Variants in ADRA1A observed in about 807,000 individuals in gnomAD.
ADRA1A encodes alpha-1A adrenergic receptor.
A neutral mutation model predicts 29.6 loss-of-function variants in ADRA1A; 31 were observed. The observed-to-expected ratio is 1.05, with a 90% confidence interval of 0.79 to 1.41. The LOEUF is 1.41. ADRA1A is among the 40% of genes most tolerant of loss of function. The pLI is 0.00. For synonymous variants in ADRA1A, 311 were observed against 254.3 expected (o/e 1.22, Z -2.12); for missense variants, 619 against 601.1 (o/e 1.03, Z -0.31).
At chr8:26,800,853 A>G (rs1043721430) in intron 2 of ADRA1A, among the ~76,000 whole-genome samples, 1 of 152,174 alleles carries the variant, frequency 6.6e-6, no homozygotes, top group Admixed American at 6.5e-5. Context: ...AATATCTCTG[A>G]TGACCATTGA....
chr8:26,773,197 C>T (rs1563241183), intron 2 of ADRA1A, among the ~76,000 whole-genome samples: 1 of 152,156 alleles, frequency 6.6e-6, no homozygotes, highest in Non-Finnish European at 1.5e-5. Context: ...GGCCCATGCT[C>T]CTTTGTGGAA....
At chr8:26,780,127 A>G (rs1283945910) in intron 2 of ADRA1A, among the ~76,000 whole-genome samples, 1 of 151,696 alleles carries the variant, frequency 6.6e-6, no homozygotes, top group African/African-American at 2.4e-5. Flanking sequence ...AGGCCCCTTT[A>G]TTATTTGGTT....
At chr8:26,811,286 A>G (rs1404150098) in intron 2 of ADRA1A, among the ~76,000 whole-genome samples, 1 of 151,328 alleles carries the variant, frequency 6.6e-6, no homozygotes, top group Non-Finnish European at 1.5e-5. Flanking sequence ...TCTGCCTTCC[A>G]GGCTCACGCC....
intron 2 of ADRA1A, among the ~76,000 whole-genome samples, chr8:26,857,000 C>T (rs750409011): frequency 6.6e-6 from 1 of 152,188 alleles, no homozygotes; most frequent in African/African-American, 2.4e-5. Flanking sequence ...CCTCTGTGTA[C>T]ACACTTGCTG....
At chr8:26,857,335 G>T (rs1348411667) in intron 2 of ADRA1A, among the ~76,000 whole-genome samples, 1 of 152,100 alleles carries the variant, frequency 6.6e-6, no homozygotes, top group East Asian at 1.9e-4. Flanking sequence ...ATGGTCTGTG[G>T]TGTAGTAAGA....
intron 2 of ADRA1A, among the ~76,000 whole-genome samples, chr8:26,834,432 A>G (rs1314549232): frequency 6.6e-6 from 1 of 152,194 alleles, no homozygotes; most frequent in African/African-American, 2.4e-5. Context: ...AGCTTTTCCT[A>G]TTTGATATTA....
intron 2 of ADRA1A, among the ~76,000 whole-genome samples, chr8:26,844,817 A>G (rs1660678479): frequency 6.6e-6 from 1 of 152,216 alleles, no homozygotes; most frequent in Admixed American, 6.5e-5. Context: ...CATTTTTGCA[A>G]CTTTGTCAGG....
At chr8:26,845,446 G>C (rs1034024348) in intron 2 of ADRA1A, among the ~76,000 whole-genome samples, 1 of 152,202 alleles carries the variant, frequency 6.6e-6, no homozygotes, top group African/African-American at 2.4e-5. Context: ...GTAATGGTGA[G>C]GATGTAGAGA....
intron 2 of ADRA1A, among the ~76,000 whole-genome samples, chr8:26,857,732 G>A (rs532247685): frequency 6.6e-6 from 1 of 152,286 alleles, no homozygotes; most frequent in African/African-American, 2.4e-5. Context: ...TCTAAGAGGT[G>A]AACCTTTTCC....
At chr8:26,765,672 C>T (rs996452839), downstream of ADRA1A, among the ~76,000 whole-genome samples, 4 of 152,208 alleles carry the variant, frequency 2.6e-5, no homozygotes, top group African/African-American at 9.6e-5. Context: ...TTGGTTTTTC[C>T]TTGGAGAGTT....
Position 26,770,690 on chromosome 8 carries a change from T to C in ADRA1A, c.884-24A>G, listed in dbSNP as rs760045996. Reference sequence around the variant, plus strand: ...CCCTGGAAGAAAACACACAGATTTATACATATTATTTGAAAGCCAGCAAGC... The same window carrying C: ...CCCTGGAAGAAAACACACAGATTTACACATATTATTTGAAAGCCAGCAAGC... On this transcript the variant is annotated intron_variant, in intron 2 of 2. Coordinates refer to ENST00000380573, the MANE Select transcript of ADRA1A (RefSeq NM_000680.4). 1.9e-6 allele frequency: 3 copies of C among 1,566,672 alleles called. No homozygotes were observed. In the African/African-American group the frequency reaches 4.1e-5, roughly 21 times the overall value.
intron 2 of ADRA1A, among the ~76,000 whole-genome samples, chr8:26,835,430 G>T (rs1811275736): frequency 6.6e-6 from 1 of 152,194 alleles, no homozygotes; most frequent in Non-Finnish European, 1.5e-5. Context: ...TTGACTCATA[G>T]TTCCGTAGAG....
Position 26,864,080 on chromosome 8 carries a change from G to A in ADRA1A, c.883+7C>T, listed in dbSNP as rs754783458. ...AGATGCTAAAGTGAGGGGTGTTCAA[G>A]ACTTACCAATGGGCATGACTAAGAA... On this transcript the variant is annotated splice_region_variant and intron_variant, in intron 2 of 2. Coordinates refer to ENST00000380573, the MANE Select transcript of ADRA1A (RefSeq NM_000680.4). This position sits in a 1 kb window ranked among gnomAD's most constrained non-coding sequence, Gnocchi z 8.1. 1 of 1,610,056 alleles carries A rather than the reference G, an allele frequency of 6.2e-7. No individual in the cohort carries two copies. Among genetic ancestry groups the A allele is most frequent in the Non-Finnish European group, 8.5e-7 (1 of 1,178,108 alleles).
Position 26,865,046 on chromosome 8 carries a change from G to T in ADRA1A, c.-77C>A. ...CTGGCGCGGAGGCGGGAGCGCGGGA[G>T]CCGGGAATCAAAAGGTCTCGGCTGG... On this transcript the variant is annotated 5_prime_UTR_variant, in exon 2 of 3. Transcript: ENST00000380573. The surrounding 1 kb of genome is among the most constrained non-coding windows in gnomAD (Gnocchi z 7.6). 2 of 1,518,034 alleles carry T rather than the reference G, an allele frequency of 1.3e-6. No individual in the cohort carries two copies. Among genetic ancestry groups the T allele is most frequent in the South Asian group, 2.6e-5 (2 of 76,756 alleles). The allele number at this position is 1,518,034 out of a possible 1,614,324, so 94.0% of individuals were successfully genotyped here.
chr8:26,835,371 T>A (rs1240398610), intron 2 of ADRA1A, among the ~76,000 whole-genome samples: 1 of 152,224 alleles, frequency 6.6e-6, no homozygotes, highest in Non-Finnish European at 1.5e-5. Flanking sequence ...CTCAAACTGC[T>A]AGAAGGACAT....
rs536952272 is a variant in ADRA1A, at chr8:26,774,986, C to G, written c.884-4320G>C. ...CAGCTGGAGAATGCTTGTTCCTGGC[C>G]TCCAGCCATCAGGACCTAGAGGGTC... is the stretch of plus-strand genomic sequence containing the variant. On this transcript the variant is annotated intron_variant, in intron 2 of 2. Coordinates refer to ENST00000380573, the MANE Select transcript of ADRA1A (RefSeq NM_000680.4). 3.3e-5 allele frequency among the ~76,000 whole-genome samples: 5 copies of G among 152,316 alleles called. No individual in the cohort carries two copies. The South Asian group carries it at 8.3e-4, about 25-fold the overall frequency.
At chr8:26,756,545 TA>T (rs1297517409) in exon 3 of ADRA1A, 13 of 1,543,366 alleles carry the variant, frequency 8.4e-6, no homozygotes, top group Non-Finnish European at 1.1e-5. Flanking sequence ...GATCATTCCT[TA>T]AGTTACTGTT....
At chr8:26,856,593 C>A in intron 2 of ADRA1A, among the ~76,000 whole-genome samples, 1 of 152,146 alleles carries the variant, frequency 6.6e-6, no homozygotes, top group East Asian at 1.9e-4. Context: ...AGTCTTCGCA[C>A]GTTCTCTTCC....
At position 26,770,464 on chromosome 8, in the gene ADRA1A, C is replaced by G. The variant is rs759960165; in HGVS notation, c.1086G>C (p.Pro362=). 1 of 1,614,154 alleles carries G rather than the reference C, an allele frequency of 6.2e-7. No homozygotes were observed. Among genetic ancestry groups the G allele is most frequent in the Non-Finnish European group, 8.5e-7 (1 of 1,180,030 alleles). Residue 362 remains proline, a synonymous_variant, in exon 3 of 3, where the codon CCG becomes CCC. Transcript: ENST00000380573. ...GTTGCCCTTCCACGGCCTGGCTGGG[C>G]GGGTGCAGGGTGTAGCCCAGGGCAT... The part of the protein sequence containing the change: ...SKHALGYTLH[P]PSQAVEGQHK...
Sources: gnomAD v4.1 joint callset for allele counts (sites outside exome capture counted in the v4.1 genomes callset) on GRCh38, gnomAD v4.1.1 for gene constraint, Gnocchi (gnomAD v3.1) non-coding constraint, MANE v1.5 for transcripts, NCBI Gene and HGNC (gene_info 2026-07-23, HGNC 2026-07-21) for gene names.